Variants in CCDC141 observed in about 807,000 individuals in gnomAD.
CCDC141 encodes coiled-coil domain containing 141.
CCDC141 carries 168 observed loss-of-function variants against 181.0 expected under a neutral mutation model. That is an observed-to-expected ratio of 0.93 (90% CI 0.82 to 1.05). The LOEUF (loss-of-function observed/expected upper bound fraction) is 1.05. CCDC141 is among the 50% of genes least tolerant of loss of function. The probability of loss-of-function intolerance (pLI) is 0.00; values close to 1 mark genes in which losing one functional copy is unlikely to be tolerated. For missense variants in CCDC141, 1,902 were observed against 1,788.5 expected, an observed-to-expected ratio of 1.06 and a Z score of -1.14; for synonymous variants, 666 against 642.3, an observed-to-expected ratio of 1.04 and a Z score of -0.56.
chr2:178,846,722 C>A (rs1488419597), intron 21 of CCDC141, among the ~76,000 whole-genome samples: 2 of 152,172 alleles, frequency 1.3e-5, no homozygotes, highest in Admixed American at 1.3e-4. Flanking sequence ...CCACTATTGA[C>A]TATTGGGGCC....
At chr2:178,979,182 A>G (rs1201483660) in intron 2 of CCDC141, among the ~76,000 whole-genome samples, 4 of 152,162 alleles carry the variant, frequency 2.6e-5, no homozygotes, top group Non-Finnish European at 5.9e-5. Flanking sequence ...GATATCTATA[A>G]CCAACATTAT....
At position 178,885,065 on chromosome 2, in the gene CCDC141, C is replaced by A; in HGVS notation, c.1555G>T (p.Ala519Ser). The A allele has an allele frequency of 6.5e-7, 1 of 1,549,808 alleles. No homozygotes were observed. Among genetic ancestry groups the A allele is most frequent in the Non-Finnish European group, 8.7e-7 (1 of 1,146,510 alleles). ...TCATTTTTCTCCATCATGGTTTTTG[C>A]AGCTGCTTCTAATTCATGTGATGTC... ...KETSHELEAAAKTMMEKNEFV... is the reference protein window; with the variant it reads ...KETSHELEAASKTMMEKNEFV... Residue 519 changes from alanine to serine, a missense_variant, in exon 11 of 24, where the codon GCA (alanine) becomes TCA (serine). Transcript: ENST00000443758.
chr2:178,961,299 G>A lies in CCDC141; in HGVS notation c.711C>T (p.Tyr237=). 6.4e-7 allele frequency: 1 copy of A among 1,550,538 alleles called. No individual in the cohort carries two copies. Among genetic ancestry groups the A allele is most frequent in the Non-Finnish European group, 8.7e-7 (1 of 1,146,938 alleles). ...LQDRRRQLDK[Y]LKQQWQELSQ... ...TCAATTCTTGCCACTGTTGCTTCAA[G>A]TACTTGTCTAGTTGTCTTCTCCTGT... is the stretch of plus-strand genomic sequence containing the variant. The change falls in exon 5 of 24, where the codon TAC becomes TAT. Residue 237 remains tyrosine (Y), a synonymous_variant. Transcript: ENST00000443758.
chr2:178,955,821 T>C (rs1690140228), intron 5 of CCDC141, among the ~76,000 whole-genome samples: 1 of 152,252 alleles, frequency 6.6e-6, no homozygotes, highest in Non-Finnish European at 1.5e-5. Flanking sequence ...TGTTTTAAAC[T>C]ATCAATTCAG....
intron 2 of CCDC141, among the ~76,000 whole-genome samples, chr2:179,006,178 A>G (rs564584105): frequency 1.3e-3 from 193 of 152,334 alleles, no homozygotes; most frequent in Non-Finnish European, 2.5e-3. Context: ...CTTCCCCTGA[A>G]CAAAGACCAG....
chr2:179,036,391 C>G (rs1227780424), intron 2 of CCDC141, among the ~76,000 whole-genome samples: 1 of 152,192 alleles, frequency 6.6e-6, no homozygotes, highest in African/African-American at 2.4e-5. Flanking sequence ...CGTAGACTCT[C>G]TTAAATCAAC....
chr2:178,895,393 T>C (rs1687359138), intron 8 of CCDC141, among the ~76,000 whole-genome samples: 2 of 152,144 alleles, frequency 1.3e-5, no homozygotes, highest in Non-Finnish European at 2.9e-5. Context: ...TAGTCAGCCT[T>C]CCTCTGGAGG....
chr2:178,879,207 T>C (rs1478580859), intron 11 of CCDC141, among the ~76,000 whole-genome samples: 2 of 152,174 alleles, frequency 1.3e-5, no homozygotes, highest in Non-Finnish European at 2.9e-5. Flanking sequence ...GTAGAAATAG[T>C]AGAAATTATT....
At chr2:178,844,627 G>A (rs1425475683) in intron 22 of CCDC141, among the ~76,000 whole-genome samples, 1 of 152,140 alleles carries the variant, frequency 6.6e-6, no homozygotes, top group Non-Finnish European at 1.5e-5. Context: ...CCTGCTGGTT[G>A]TATAACTGCA....
chr2:178,951,613 T>C (rs1328219662), intron 5 of CCDC141, among the ~76,000 whole-genome samples: 1 of 152,140 alleles, frequency 6.6e-6, no homozygotes, highest in East Asian at 1.9e-4. Context: ...ATCATGAGAA[T>C]GAGGGAAGAG....
intron 2 of CCDC141, among the ~76,000 whole-genome samples, chr2:179,011,125 T>C (rs1368755326): frequency 1.3e-5 from 2 of 151,636 alleles, no homozygotes; most frequent in African/African-American, 4.8e-5. Context: ...ACCATTGCAC[T>C]CCAGCCTGGG....
rs371656755 is a variant in CCDC141, at chr2:178,837,193, C to G, written c.4026G>C (p.Leu1342Phe). Reference sequence around the variant, plus strand: ...CATGCATTTTCTCCCGTGTTTCTAGCAAACCACCCTGAGCCTGAGGGTGCT... The same window carrying G: ...CATGCATTTTCTCCCGTGTTTCTAGGAAACCACCCTGAGCCTGAGGGTGCT... Reference protein sequence around the residue: ...LQQHPQAQGGLLETREKMHAD... With the variant: ...LQQHPQAQGGFLETREKMHAD... Residue 1342 changes from leucine (L) to phenylalanine (F), a missense_variant, in exon 23 of 24, where the codon TTG (leucine) becomes TTC (phenylalanine). Leu to Phe is a conservative substitution (Grantham distance 22, BLOSUM62 0). Transcript: ENST00000443758. The G allele has an allele frequency of 1.1e-5, 18 of 1,613,878 alleles. No homozygotes were observed. Among genetic ancestry groups the G allele is most frequent in the Admixed American group, 1.7e-5 (1 of 59,976 alleles).
intron 20 of CCDC141, among the ~76,000 whole-genome samples, chr2:178,851,649 G>T (rs1271594644): frequency 6.6e-6 from 1 of 152,176 alleles, no homozygotes; most frequent in Non-Finnish European, 1.5e-5. Flanking sequence ...TCAGAAGTGT[G>T]AGAAAAGAAG....
intron 17 of CCDC141, among the ~76,000 whole-genome samples, chr2:178,865,523 G>GT (rs762306372): frequency 1.2e-4 from 19 of 152,170 alleles, no homozygotes; most frequent in Admixed American, 3.3e-4. Context: ...TGAATTATAG[G>GT]TTTTTCTATG....
chr2:179,003,161 G>C (rs1229281777), intron 2 of CCDC141, among the ~76,000 whole-genome samples: 1 of 152,106 alleles, frequency 6.6e-6, no homozygotes, highest in Non-Finnish European at 1.5e-5. Flanking sequence ...GACAATTTTG[G>C]TCATGAAGAA....
At chr2:178,971,717 T>C (rs1382761764) in intron 4 of CCDC141, among the ~76,000 whole-genome samples, 1 of 152,128 alleles carries the variant, frequency 6.6e-6, no homozygotes, top group Non-Finnish European at 1.5e-5. Flanking sequence ...GTGGCACATA[T>C]ACACACACCA....
intron 2 of CCDC141, among the ~76,000 whole-genome samples, chr2:179,021,098 T>G (rs2042679899): frequency 6.6e-6 from 1 of 152,204 alleles, no homozygotes; most frequent in Non-Finnish European, 1.5e-5. Flanking sequence ...AAGATAATTA[T>G]AAGATAATAA....
chr2:179,035,900 G>A (rs1177052072), intron 2 of CCDC141, among the ~76,000 whole-genome samples: 1 of 152,170 alleles, frequency 6.6e-6, no homozygotes, highest in African/African-American at 2.4e-5. Flanking sequence ...AGAATTAGTA[G>A]CCATCTTTCA....
intron 22 of CCDC141, 130 bp from the exon 23 acceptor site, chr2:178,837,874 C>CAAG: frequency 1.0e-6 from 1 of 987,442 alleles, no homozygotes; most frequent in Non-Finnish European, 1.5e-6. Flanking sequence ...GGGGCTGGAG[C>CAAG]AAGAATTACG....
Sources: allele counts gnomAD v4.1 joint callset (sites outside exome capture counted in the v4.1 genomes callset), GRCh38; gene constraint gnomAD v4.1.1; transcripts MANE v1.5; gene names NCBI Gene and HGNC (gene_info 2026-07-23, HGNC 2026-07-21).